RAPGEF4: variants seen among roughly 807,000 people sequenced by gnomAD.
The protein encoded by RAPGEF4 is RAP guanine-nucleotide-exchange factor (GEF) 4.
A neutral mutation model predicts 147.9 loss-of-function variants in RAPGEF4; 66 were observed. That is an observed-to-expected ratio of 0.45 (90% confidence interval 0.37 to 0.55). RAPGEF4 has a LOEUF of 0.55. Among genes scored for constraint, RAPGEF4 ranks in the 20% least tolerant of loss-of-function variants. RAPGEF4 has a pLI of 0.00. For synonymous variants in RAPGEF4, 419 were observed against 442.7 expected, an observed-to-expected ratio of 0.95 and a Z score of 0.67; for missense variants, 1,071 against 1,257.3, an observed-to-expected ratio of 0.85 and a Z score of 2.24.
intron 1 of RAPGEF4, among the ~76,000 whole-genome samples, chr2:172,781,253 G>A (rs1489026657): frequency 6.6e-6 from 1 of 152,120 alleles, no homozygotes; most frequent in African/African-American, 2.4e-5. Flanking sequence ...TAGCCTGCTA[G>A]GTGGCCCTTC....
At chr2:173,037,452 C>T (rs182575172) in intron 29 of RAPGEF4, among the ~76,000 whole-genome samples, 1 of 152,322 alleles carries the variant, frequency 6.6e-6, no homozygotes, top group African/African-American at 2.4e-5. Context: ...CACCCTCCTC[C>T]TAGTCCTTAC....
intron 6 of RAPGEF4, among the ~76,000 whole-genome samples, chr2:172,937,950 T>A (rs936198058): frequency 2.6e-5 from 4 of 152,124 alleles, no homozygotes; most frequent in Non-Finnish European, 4.4e-5. Flanking sequence ...TTTGACACAC[T>A]CCCATCACTA....
intron 6 of RAPGEF4, among the ~76,000 whole-genome samples, chr2:172,944,064 A>G (rs1040645316): frequency 3.9e-5 from 6 of 152,210 alleles, no homozygotes; most frequent in Non-Finnish European, 7.3e-5. Context: ...CACTTAATAC[A>G]TAGATATTAA....
intron 10 of RAPGEF4, among the ~76,000 whole-genome samples, chr2:172,976,542 C>CA (rs948344057): frequency 1.3e-5 from 2 of 152,046 alleles, no homozygotes; most frequent in African/African-American, 2.4e-5. Context: ...CCCACACACA[C>CA]AAAAAAATAG....
At chr2:172,984,081 A>G (rs1045179635) in intron 11 of RAPGEF4, among the ~76,000 whole-genome samples, 1 of 152,176 alleles carries the variant, frequency 6.6e-6, no homozygotes, top group Non-Finnish European at 1.5e-5. Flanking sequence ...ACCACCCACT[A>G]ATAAAAAATG....
At chr2:172,885,671 C>A (rs1292799665) in intron 4 of RAPGEF4, among the ~76,000 whole-genome samples, 1 of 152,118 alleles carries the variant, frequency 6.6e-6, no homozygotes, top group Non-Finnish European at 1.5e-5. Context: ...TTCACCACCA[C>A]GAGAACAGTA....
rs528810672 is a variant in RAPGEF4, at chr2:172,913,025, A to C, written c.445-4777A>C. On this transcript the variant is annotated intron_variant, in intron 4 of 30. Transcript: ENST00000397081. ...ATTCTCCTGCCTCAGCCTCTCAACT[A>C]TCTGGGATTACAGGCGCCCACCACC... is the stretch of plus-strand genomic sequence containing the variant. Among the ~76,000 whole-genome samples the C allele has an allele frequency of 8.0e-5, 12 of 150,596 alleles. 1 individual carries two copies. Among genetic ancestry groups the C allele is most frequent in the Admixed American group, 6.7e-4 (10 of 14,998 alleles).
At chr2:173,044,918 A>G (rs2012214) in intron 29 of RAPGEF4, among the ~76,000 whole-genome samples, 5,336 of 151,978 alleles carry the variant, frequency 0.035, 141 homozygotes, top group Admixed American at 0.074. Context: ...ACACTCCCCC[A>G]CTCCGGCCTG....
intron 1 of RAPGEF4, among the ~76,000 whole-genome samples, chr2:172,744,769 T>C (rs1694626286): frequency 6.6e-6 from 1 of 152,168 alleles, no homozygotes; most frequent in African/African-American, 2.4e-5. Flanking sequence ...TATGATCTTA[T>C]AAAAAATAGT....
chr2:172,885,632 T>C (rs1325303354), intron 4 of RAPGEF4, among the ~76,000 whole-genome samples: 1 of 152,146 alleles, frequency 6.6e-6, no homozygotes, highest in Non-Finnish European at 1.5e-5. Flanking sequence ...GGTTTCCGCT[T>C]ACAAAACTAT....
intron 16 of RAPGEF4, among the ~76,000 whole-genome samples, chr2:173,001,036 C>T (rs1369823860): frequency 6.6e-6 from 1 of 152,058 alleles, no homozygotes; most frequent in African/African-American, 2.4e-5. Context: ...TTGTACAAGG[C>T]TGTCTCTCTT....
At chr2:172,968,328 T>G (rs554809136) in intron 10 of RAPGEF4, among the ~76,000 whole-genome samples, 1 of 152,252 alleles carries the variant, frequency 6.6e-6, no homozygotes, top group Admixed American at 6.5e-5. Flanking sequence ...CTTGGTGTAT[T>G]AGTCTTGTAT....
In RAPGEF4 at chr2:172,907,581, G is replaced by A. The variant is rs924820945; in HGVS notation, c.445-10221G>A. 5.3e-5 allele frequency among the ~76,000 whole-genome samples: 8 copies of A among 152,102 alleles called. 1 individual carries two copies. The highest frequency in any genetic ancestry group is 3.9e-4 in the Admixed American group (6 of 15,268). On this transcript the variant is annotated intron_variant, in intron 4 of 30. Transcript: ENST00000397081. ...TTACCATGTGGGTGAAAAACAGGTG[G>A]TACATTATAAAATTATTTAAGAAAG...
intron 23 of RAPGEF4, among the ~76,000 whole-genome samples, chr2:173,023,173 C>T (rs1015818749): frequency 5.3e-5 from 8 of 152,180 alleles, no homozygotes; most frequent in Admixed American, 1.3e-4. Flanking sequence ...AGCTTACCTT[C>T]ACCATCTCTT....
chr2:172,988,869 A>C (rs1167273314), intron 14 of RAPGEF4, 30 bp downstream of exon 14: 17 of 1,604,270 alleles, frequency 1.1e-5, no homozygotes, highest in Non-Finnish European at 1.4e-5. Context: ...TGGCTGAGAG[A>C]CAGCCCATTT....
chr2:172,779,818 G>A (rs184325551), intron 1 of RAPGEF4, among the ~76,000 whole-genome samples: 2 of 152,312 alleles, frequency 1.3e-5, no homozygotes, highest in East Asian at 3.9e-4. Context: ...AAGTCTTGAA[G>A]TGGTGAGAAG....
intron 4 of RAPGEF4, among the ~76,000 whole-genome samples, chr2:172,832,436 A>G (rs1690464543): frequency 6.6e-6 from 1 of 152,194 alleles, no homozygotes; most frequent in South Asian, 2.1e-4. Context: ...AGAGGAAAAA[A>G]TATTAACTTT....
At chr2:172,745,794 G>A (rs1309383706) in intron 1 of RAPGEF4, among the ~76,000 whole-genome samples, 1 of 152,078 alleles carries the variant, frequency 6.6e-6, no homozygotes, top group Non-Finnish European at 1.5e-5. Context: ...AGCTGATACT[G>A]GGACCTCTTG....
At chr2:172,883,258 C>T (rs763977668) in intron 4 of RAPGEF4, among the ~76,000 whole-genome samples, 23 of 152,190 alleles carry the variant, frequency 1.5e-4, no homozygotes, top group Middle Eastern at 3.2e-3. Flanking sequence ...GAAGGGCTTG[C>T]GGCTATCGAG....
Sources: allele counts gnomAD v4.1 joint callset (sites outside exome capture counted in the v4.1 genomes callset), GRCh38; gene constraint gnomAD v4.1.1; transcripts MANE v1.5; gene names NCBI Gene and HGNC (gene_info 2026-07-23, HGNC 2026-07-21).